Variants in SREK1IP1 observed in about 807,000 individuals in gnomAD.
SREK1IP1 encodes protein SREK1IP1.
A neutral mutation model predicts 22.8 loss-of-function variants in SREK1IP1; 12 were observed. That is an observed-to-expected ratio of 0.53 (90% CI 0.34 to 0.85). SREK1IP1 has a LOEUF of 0.85. Among genes scored for constraint, SREK1IP1 ranks in the 40% least tolerant of loss-of-function variants. The pLI is 0.02. For synonymous variants in SREK1IP1, 53 were observed against 52.7 expected (o/e 1.01, Z -0.02); for missense variants, 147 against 171.8 (o/e 0.86, Z 0.81).
At chr5:64,742,872 T>A (rs562661356) in intron 2 of SREK1IP1, among the ~76,000 whole-genome samples, 1 of 152,334 alleles carries the variant, frequency 6.6e-6, no homozygotes, top group Admixed American at 6.5e-5. Context: ...CTTAGTTGTT[T>A]CTTAGTCTAG....
chr5:64,735,819 T>G (rs1011194725), intron 3 of SREK1IP1, among the ~76,000 whole-genome samples: 2 of 152,122 alleles, frequency 1.3e-5, no homozygotes, highest in Non-Finnish European at 2.9e-5. Context: ...AACCAGTTTT[T>G]GGTTTTATTG....
rs1206102141 is a variant in SREK1IP1, at chr5:64,723,251, C to T, written c.*1133G>A. On this transcript the variant is annotated 3_prime_UTR_variant, in exon 5 of 5. Coordinates refer to ENST00000513458, the MANE Select transcript of SREK1IP1 (RefSeq NM_173829.4). ...ACAAAGGCTTTCATGATGCAACTCC[C>T]TGGCTCTTAAATTTTAAAAAGTACA... 6.6e-6 allele frequency: 1 copy of T among 152,182 alleles called. No homozygotes were observed. Among genetic ancestry groups the T allele is most frequent in the Non-Finnish European group, 1.5e-5 (1 of 68,016 alleles). The allele number at this position is 152,182 out of a possible 1,614,324, so 9.4% of individuals were successfully genotyped here.
At position 64,719,759 on chromosome 5, in the gene SREK1IP1, T is replaced by C. The variant is rs938158176; in HGVS notation, c.*4625A>G. The stretch of plus-strand genomic sequence containing the variant: ...GCATGACTGGATGCATCATGGGTTG[T>C]GCTATAGAAGAGGCACCCCAATTCT... On this transcript the variant is annotated 3_prime_UTR_variant, in exon 5 of 5. Transcript: ENST00000513458. 5.9e-5 allele frequency: 9 copies of C among 152,238 alleles called. No individual in the cohort carries two copies. The highest frequency in any genetic ancestry group is 2.2e-4 in the African/African-American group (9 of 41,466). The allele number at this position is 152,238 out of a possible 1,614,324, so 9.4% of individuals were successfully genotyped here. A position where few individuals can be genotyped will look rare whatever the true frequency, so the allele number is the denominator to read the frequency against.
intron 2 of SREK1IP1, 72 bp downstream of exon 2, chr5:64,754,241 TAC>T (rs1742798040): frequency 2.1e-6 from 3 of 1,426,580 alleles, no homozygotes; most frequent in Non-Finnish European, 3.0e-6. Context: ...ATCAGGGTGC[TAC>T]ATTATATTGC....
chr5:64,743,375 T>C (rs1742581365), intron 2 of SREK1IP1, among the ~76,000 whole-genome samples: 1 of 152,192 alleles, frequency 6.6e-6, no homozygotes, highest in Non-Finnish European at 1.5e-5. Context: ...CATCCAAGTT[T>C]GTGAAAGTAC....
chr5:64,736,340 T>A (rs1742461591), intron 3 of SREK1IP1, among the ~76,000 whole-genome samples: 1 of 152,214 alleles, frequency 6.6e-6, no homozygotes, highest in Non-Finnish European at 1.5e-5. Flanking sequence ...GTGCCATTAG[T>A]TAATGAGAAA....
intron 1 of SREK1IP1, among the ~76,000 whole-genome samples, chr5:64,765,446 C>A (rs759497956): frequency 6.6e-6 from 1 of 152,156 alleles, no homozygotes; most frequent in Non-Finnish European, 1.5e-5. Flanking sequence ...ATTAAAGAGC[C>A]TAACATAATA....
At chr5:64,727,580 C>A (rs1324736332) in intron 4 of SREK1IP1, 3 of 126,794 alleles carry the variant, frequency 2.4e-5, no homozygotes, top group African/African-American at 3.9e-5. Context: ...GGGCGGGGGG[C>A]AGATAGGGTC....
chr5:64,756,829 T>C (rs1038139990), intron 1 of SREK1IP1, among the ~76,000 whole-genome samples: 3 of 152,144 alleles, frequency 2.0e-5, no homozygotes, highest in Non-Finnish European at 4.4e-5. Context: ...GGTTTCACCA[T>C]GTTAGCCAGG....
intron 1 of SREK1IP1, among the ~76,000 whole-genome samples, chr5:64,766,104 T>TG (rs1743028703): frequency 6.6e-6 from 1 of 152,176 alleles, no homozygotes; most frequent in Non-Finnish European, 1.5e-5. Context: ...CTAAGCAGAG[T>TG]GCTCCACTCC....
intron 3 of SREK1IP1, among the ~76,000 whole-genome samples, chr5:64,740,791 C>T (rs1371217350): frequency 6.6e-6 from 1 of 152,074 alleles, no homozygotes; most frequent in Non-Finnish European, 1.5e-5. Flanking sequence ...CTTTTTCAGC[C>T]ATTTGACACA....
At position 64,768,638 on chromosome 5, in the gene SREK1IP1, T is replaced by C; in HGVS notation, c.-121A>G. 6.9e-7 allele frequency: 1 copy of C among 1,439,114 alleles called. No individual in the cohort carries two copies. The allele number at this position is 1,439,114 out of a possible 1,614,324, so 89.1% of individuals were successfully genotyped here. ...TCCTTCCCCCAGCGCAGCAGCACCC[T>C]CGCTACGGTCGGGAAGGGCCTGTAC... On this transcript the variant is annotated 5_prime_UTR_variant, in exon 1 of 5. Coordinates refer to ENST00000513458, the MANE Select transcript of SREK1IP1 (RefSeq NM_173829.4).
At chr5:64,729,655 AGG>A (rs1325990469) in intron 3 of SREK1IP1, among the ~76,000 whole-genome samples, 1 of 152,176 alleles carries the variant, frequency 6.6e-6, no homozygotes, top group African/African-American at 2.4e-5. Flanking sequence ...GGGAAAAGGC[AGG>A]GGAATAATAA....
At chr5:64,742,450 T>C (rs958700936) in intron 2 of SREK1IP1, among the ~76,000 whole-genome samples, 3 of 152,190 alleles carry the variant, frequency 2.0e-5, no homozygotes, top group Non-Finnish European at 4.4e-5. Flanking sequence ...CAAAAGTTAA[T>C]TGAAAGATTT....
intron 3 of SREK1IP1, among the ~76,000 whole-genome samples, chr5:64,732,690 T>C (rs1360955506): frequency 6.6e-6 from 1 of 152,120 alleles, no homozygotes; most frequent in Non-Finnish European, 1.5e-5. Flanking sequence ...TCTGTAAATA[T>C]AGTCATAAGT....
At chr5:64,736,747 G>A (rs1244004942) in intron 3 of SREK1IP1, among the ~76,000 whole-genome samples, 1 of 152,028 alleles carries the variant, frequency 6.6e-6, no homozygotes, top group Non-Finnish European at 1.5e-5. Context: ...ATAGGTGTGA[G>A]CCATCATGCC....
intron 4 of SREK1IP1, chr5:64,727,553 A>ATATATATATATATTTTTTTTTTTTTT: frequency 1.2e-5 from 1 of 84,714 alleles, no homozygotes; most frequent in African/African-American, 5.5e-5. Context: ...ATATATATAT[A>ATATATATATATATTTTTTTTTTTTTT]TTTTTTTTTT....
In SREK1IP1 at chr5:64,718,251, T is replaced by C; in HGVS notation, c.*6133A>G. 1 of 378,572 alleles carries C rather than the reference T, an allele frequency of 2.6e-6. No homozygotes were observed. Among genetic ancestry groups the C allele is most frequent in the Non-Finnish European group, 4.6e-6 (1 of 215,742 alleles). The allele number at this position is 378,572 out of a possible 1,614,324, so 23.5% of individuals were successfully genotyped here. ...TAAGATGTTTCTGTATCACATGAGA[T>C]TATGCTAATTATTCAGGAGAAATTA... On this transcript the variant is annotated 3_prime_UTR_variant, in exon 5 of 5. Coordinates refer to ENST00000513458, the MANE Select transcript of SREK1IP1 (RefSeq NM_173829.4).
chr5:64,729,678 G>A (rs1742343461), intron 3 of SREK1IP1, among the ~76,000 whole-genome samples: 1 of 152,174 alleles, frequency 6.6e-6, no homozygotes, highest in Non-Finnish European at 1.5e-5. Flanking sequence ...AGTAACTGGA[G>A]TAGTGCAGGC....
Sources: allele counts gnomAD v4.1 joint callset (sites outside exome capture counted in the v4.1 genomes callset), GRCh38; gene constraint gnomAD v4.1.1; transcripts MANE v1.5; gene names NCBI Gene and HGNC (gene_info 2026-07-23, HGNC 2026-07-21).